The following WWOX variants were observed in gnomAD, a reference collection of about 807,000 sequenced individuals.
The protein encoded by WWOX is WW domain-containing oxidoreductase.
WWOX carries 69 observed loss-of-function variants against 46.2 expected under a neutral mutation model. The observed-to-expected ratio is 1.49, with a 90% CI of 1.23 to 1.82. The LOEUF is 1.82. WWOX is among the 40% of genes most tolerant of loss of function. WWOX has a pLI of 0.00. For synonymous variants in WWOX, 359 were observed against 202.6 expected (o/e 1.77, Z -6.56); for missense variants, 919 against 542.6 (o/e 1.69, Z -6.89).
At chr16:78,171,999 T>C (rs1212960816) in intron 5 of WWOX, among the ~76,000 whole-genome samples, 1 of 152,206 alleles carries the variant, frequency 6.6e-6, no homozygotes, top group African/African-American at 2.4e-5. Flanking sequence ...AAACCCATTG[T>C]GCAGATGAGG....
At chr16:79,066,261 T>C (rs568713083) in intron 8 of WWOX, among the ~76,000 whole-genome samples, 1 of 152,150 alleles carries the variant, frequency 6.6e-6, no homozygotes, top group Non-Finnish European at 1.5e-5. Flanking sequence ...CCTCCTCTGG[T>C]TATCCTCAGT....
chr16:78,572,465 G>A (rs2044740202), intron 8 of WWOX, among the ~76,000 whole-genome samples: 1 of 151,850 alleles, frequency 6.6e-6, no homozygotes, highest in Admixed American at 6.6e-5. Flanking sequence ...GTGGTATCAT[G>A]TGTCTGTGGT....
chr16:79,106,129 G>C (rs2049303139), intron 8 of WWOX: 2 of 152,206 alleles, frequency 1.3e-5, no homozygotes, highest in African/African-American at 4.8e-5. Context: ...GAAATTCTTA[G>C]GCCACTCCCC....
chr16:78,188,530 G>GA (rs1421548121), intron 5 of WWOX, among the ~76,000 whole-genome samples: 1 of 151,760 alleles, frequency 6.6e-6, no homozygotes, highest in Non-Finnish European at 1.5e-5. Flanking sequence ...CCTCAGTTGG[G>GA]AAAAAATAAA....
At chr16:78,633,858 A>T (rs761951256) in intron 8 of WWOX, among the ~76,000 whole-genome samples, 1 of 150,422 alleles carries the variant, frequency 6.6e-6, no homozygotes, top group Non-Finnish European at 1.5e-5. Flanking sequence ...ACTCACATGT[A>T]GGTCACCTAC....
chr16:79,155,858 A>G (rs1033948152), intron 8 of WWOX, among the ~76,000 whole-genome samples: 1 of 151,786 alleles, frequency 6.6e-6, no homozygotes, highest in Non-Finnish European at 1.5e-5. Flanking sequence ...ACTAATACAT[A>G]TAAGAAGGAG....
At chr16:78,952,548 A>G (rs928554344) in intron 8 of WWOX, among the ~76,000 whole-genome samples, 2 of 151,676 alleles carry the variant, frequency 1.3e-5, no homozygotes, top group Non-Finnish European at 2.9e-5. Flanking sequence ...ACACCTGGCT[A>G]ATTTTTGTAT....
At chr16:78,356,212 A>G (rs899357517) in intron 5 of WWOX, among the ~76,000 whole-genome samples, 1 of 152,144 alleles carries the variant, frequency 6.6e-6, no homozygotes, top group South Asian at 2.1e-4. Context: ...AAATGCATAT[A>G]TGTATATTTG....
At chr16:78,748,740 C>A (rs1389417514) in intron 8 of WWOX, among the ~76,000 whole-genome samples, 4 of 152,226 alleles carry the variant, frequency 2.6e-5, no homozygotes. Flanking sequence ...AGTTATTTTT[C>A]ATGCACACTC....
intron 8 of WWOX, among the ~76,000 whole-genome samples, chr16:78,567,577 AAG>A (rs2044604057): frequency 6.9e-6 from 1 of 144,114 alleles, no homozygotes; most frequent in Admixed American, 6.9e-5. Context: ...AAAAAAAAAG[AAG>A]TGAGTTTTTT....
chr16:78,790,831 C>T (rs1489133876), intron 8 of WWOX, among the ~76,000 whole-genome samples: 1 of 151,700 alleles, frequency 6.6e-6, no homozygotes, highest in Non-Finnish European at 1.5e-5. Flanking sequence ...CCAGCCTGGG[C>T]AACATGGTGA....
chr16:78,417,641 G>A (rs2151954048), intron 6 of WWOX, among the ~76,000 whole-genome samples: 1 of 152,262 alleles, frequency 6.6e-6, no homozygotes. Flanking sequence ...AAGGTTTTTA[G>A]CAGTGGTCCT....
At position 79,116,594 on chromosome 16, in the gene WWOX, A is replaced by T. The variant is rs573479765; in HGVS notation, c.1057-95014A>T. Among the ~76,000 whole-genome samples the T allele has an allele frequency of 2.0e-5, 3 of 152,314 alleles. No homozygotes were observed. In the South Asian group the frequency reaches 6.2e-4, roughly 32 times the overall value. ...GAGATTGCAGCAATTTAGTCACATC[A>T]TCAGGCTCTACTTCTAACTCGAGTT... On this transcript the variant is annotated intron_variant, in intron 8 of 8. Coordinates refer to ENST00000566780, the MANE Select transcript of WWOX (RefSeq NM_016373.4).
At chr16:79,007,753 G>C (rs1278531103) in intron 8 of WWOX, among the ~76,000 whole-genome samples, 1 of 152,192 alleles carries the variant, frequency 6.6e-6, no homozygotes, top group East Asian at 1.9e-4. Context: ...GATGTGAATG[G>C]AGAGCTCTTT....
intron 8 of WWOX, among the ~76,000 whole-genome samples, chr16:78,842,071 C>G (rs991581765): frequency 1.3e-5 from 2 of 152,122 alleles, no homozygotes; most frequent in Admixed American, 6.5e-5. Flanking sequence ...TCTGAGCTGA[C>G]TGGGTGCCTT....
At chr16:78,146,248 G>A (rs1217836222) in intron 4 of WWOX, among the ~76,000 whole-genome samples, 2 of 152,106 alleles carry the variant, frequency 1.3e-5, no homozygotes, top group Non-Finnish European at 2.9e-5. Context: ...GGCAAGCCGT[G>A]CAGGTTGGAA....
chr16:78,741,522 C>T (rs933962607), intron 8 of WWOX, among the ~76,000 whole-genome samples: 7 of 151,720 alleles, frequency 4.6e-5, no homozygotes, highest in South Asian at 4.2e-4. Flanking sequence ...ATCACCACTG[C>T]ACCCCAGCCT....
intron 4 of WWOX, among the ~76,000 whole-genome samples, chr16:78,143,322 C>G (rs780978660): frequency 2.0e-5 from 3 of 152,156 alleles, no homozygotes; most frequent in Admixed American, 6.5e-5. Flanking sequence ...CAGTGAAAAT[C>G]TACAGATCAA....
intron 8 of WWOX, among the ~76,000 whole-genome samples, chr16:78,974,044 C>A (rs2046524042): frequency 6.6e-6 from 1 of 152,176 alleles, no homozygotes; most frequent in Non-Finnish European, 1.5e-5. Flanking sequence ...GTTTAAAATT[C>A]TTTTCTAAAT....
Sources: allele counts gnomAD v4.1 joint callset (sites outside exome capture counted in the v4.1 genomes callset), GRCh38; gene constraint gnomAD v4.1.1; transcripts MANE v1.5; gene names NCBI Gene and HGNC (gene_info 2026-07-23, HGNC 2026-07-21).